Variants in NRG2 observed in about 807,000 individuals in gnomAD.
The protein encoded by NRG2 is pro-neuregulin-2, membrane-bound isoform.
Under a neutral mutation model 73.9 loss-of-function variants are expected in NRG2, and 27 were observed. That is an observed-to-expected ratio of 0.37 (90% CI 0.27 to 0.50). The LOEUF (loss-of-function observed/expected upper bound fraction) is 0.50. Among genes scored for constraint, NRG2 ranks in the 20% least tolerant of loss-of-function variants. The pLI, the probability that NRG2 is intolerant of heterozygous loss-of-function variation, is 0.96. For missense variants in NRG2, 1,126 were observed against 1,210.1 expected, an observed-to-expected ratio of 0.93 and a Z score of 1.03; for synonymous variants, 532 against 541.0, an observed-to-expected ratio of 0.98 and a Z score of 0.23.
At chr5:139,878,463 A>T (rs1325489401) in intron 3 of NRG2, among the ~76,000 whole-genome samples, 1 of 151,820 alleles carries the variant, frequency 6.6e-6, no homozygotes, top group African/African-American at 2.4e-5. Context: ...TTCCCACCCC[A>T]CTCCCCAAAC....
Position 139,887,406 on chromosome 5 carries a change from C to T in NRG2, c.806G>A (p.Arg269His), listed in dbSNP as rs756779407. ...GAGCTCCTTGCCATCCTTGAACCAA[C>T]GGTAGGAAGGCTGGGGATTACCGGC... ...AAAGNPQPSY[R>H]WFKDGKELNR... The change falls in exon 2 of 10, where the codon CGT becomes CAT. Residue 269 changes from arginine (R) to histidine (H), a missense_variant. Physicochemically the swap from Arg to His is conservative, Grantham distance 29. Around this residue, in one of 3 missense-constraint regions of NRG2, gnomAD observed 539 missense variants for 703.2 expected, o/e 0.77. Transcript: ENST00000361474. The surrounding 1 kb of genome is among the most constrained non-coding windows in gnomAD (Gnocchi z 4.5). 53 of 1,614,106 alleles carry T rather than the reference C, an allele frequency of 3.3e-5. 1 individual carries two copies. In the Middle Eastern group the frequency reaches 8.2e-4, roughly 25 times the overall value.
intron 1 of NRG2, among the ~76,000 whole-genome samples, chr5:140,031,056 T>C (rs189733977): frequency 3.3e-4 from 51 of 152,278 alleles, no homozygotes; most frequent in African/African-American, 1.2e-3. Context: ...CTGGATTTGG[T>C]CCCACCCTCA....
In NRG2 at chr5:139,915,693, C is replaced by G. The variant is rs1751197723; in HGVS notation, c.701-28182G>C. Reference sequence around the variant, plus strand: ...GTCATTCAATTTACAAGTAGCAGAACTGTATAGCTTAAAAGATTATGAAAG... The same window carrying G: ...GTCATTCAATTTACAAGTAGCAGAAGTGTATAGCTTAAAAGATTATGAAAG... On this transcript the variant is annotated intron_variant, in intron 1 of 9. Coordinates refer to ENST00000361474, the MANE Select transcript of NRG2 (RefSeq NM_004883.3). This position sits in a 1 kb window ranked among gnomAD's most constrained non-coding sequence, Gnocchi z 4.0. Among the ~76,000 whole-genome samples the G allele has an allele frequency of 6.6e-6, 1 of 152,144 alleles. No homozygotes were observed. The highest frequency in any genetic ancestry group is 1.5e-5 in the Non-Finnish European group (1 of 68,024).
intron 1 of NRG2, among the ~76,000 whole-genome samples, chr5:139,933,344 A>G (rs1329140211): frequency 2.0e-5 from 3 of 152,236 alleles, no homozygotes; most frequent in Non-Finnish European, 2.9e-5. Flanking sequence ...AGATACAAAT[A>G]GACTAGAAGT....
chr5:139,966,421 A>G (rs913539803), intron 1 of NRG2, among the ~76,000 whole-genome samples: 3 of 152,194 alleles, frequency 2.0e-5, no homozygotes, highest in Non-Finnish European at 2.9e-5. Flanking sequence ...AGGAAGGGAT[A>G]TTAAGAAACA....
In NRG2 at chr5:139,848,366, C is replaced by T. The variant is rs1761156602; in HGVS notation, c.2104G>A (p.Ala702Thr). 1.6e-6 allele frequency: 2 copies of T among 1,239,306 alleles called. No individual in the cohort carries two copies. The highest frequency in any genetic ancestry group is 1.6e-5 in the African/African-American group (1 of 63,174). 76.8% of individuals were successfully genotyped at this position (1,239,306 alleles called of 1,614,324 possible). Reference sequence around the variant, plus strand: ...TCCTCGGGGATGCGGAAGGGGCTGGCAGGCAGGCTGCCCAGGCTGCCGCCG... The same window carrying T: ...TCCTCGGGGATGCGGAAGGGGCTGGTAGGCAGGCTGCCCAGGCTGCCGCCG... ...ALGGSLGSLP[A>T]SPFRIPEDDE... Residue 702 changes from alanine (A) to threonine (T), a missense_variant, in exon 10 of 10, where the codon GCC becomes ACC. By Grantham distance (58) the Ala-to-Thr change is moderately conservative. This residue lies in a region of NRG2 where 402 missense variants were observed against 357.8 expected (regional missense o/e 1.12). Transcript: ENST00000361474.
chr5:139,891,794 C>T (rs1306484158), intron 1 of NRG2, among the ~76,000 whole-genome samples: 2 of 151,748 alleles, frequency 1.3e-5, no homozygotes, highest in African/African-American at 4.8e-5. Context: ...GCTGTGCAAG[C>T]CAGGATGAGA....
At chr5:139,986,672 T>C (rs1369099876) in intron 1 of NRG2, among the ~76,000 whole-genome samples, 1 of 152,184 alleles carries the variant, frequency 6.6e-6, no homozygotes, top group Non-Finnish European at 1.5e-5. Flanking sequence ...TTCTGTATGA[T>C]GGAAATGTTC....
chr5:139,848,815 G>A lies in NRG2; in HGVS notation c.1773-118C>T, dbSNP rs561421104. ...CCAGACTTGCCTTAACCTTGCCCGA[G>A]ACCCCGCCTGCAAGAATGACGGCAG... is the stretch of plus-strand genomic sequence containing the variant. On this transcript the variant is annotated intron_variant, in intron 9 of 9. Coordinates refer to ENST00000361474, the MANE Select transcript of NRG2 (RefSeq NM_004883.3). 4.0e-3 allele frequency: 3,637 copies of A among 905,030 alleles called. 15 individuals are homozygous for A. The highest frequency in any genetic ancestry group is 5.3e-3 in the Non-Finnish European group (3,370 of 640,378). 56.1% of individuals were successfully genotyped at this position (905,030 alleles called of 1,614,324 possible).
chr5:139,991,512 T>C (rs939432224), intron 1 of NRG2, among the ~76,000 whole-genome samples: 1 of 151,992 alleles, frequency 6.6e-6, no homozygotes, highest in African/African-American at 2.4e-5. Flanking sequence ...CAGGCTGGAG[T>C]GCAGTGGCAC....
At position 139,848,288 on chromosome 5, in the gene NRG2, G is replaced by A. The variant is rs1761146775; in HGVS notation, c.2182C>T (p.Arg728Cys). ...ECAPPPPPRP[R>C]ARGASRRTSA... ...GTCCTGCGGGACGCACCGCGCGCGC[G>A]CGGCCGCGGCGGCGGCGGGGGCGCG... is the stretch of plus-strand genomic sequence containing the variant. The change falls in exon 10 of 10, where the codon CGC becomes TGC. Residue 728 changes from arginine to cysteine, a missense_variant. Arg to Cys is a radical substitution (Grantham distance 180). Coordinates refer to ENST00000361474, the MANE Select transcript of NRG2 (RefSeq NM_004883.3). The A allele has an allele frequency of 4.4e-6, 5 of 1,128,518 alleles. No homozygotes were observed. In the South Asian group the frequency reaches 1.3e-4, roughly 29 times the overall value. 69.9% of individuals were successfully genotyped at this position (1,128,518 alleles called of 1,614,324 possible). A position where few individuals can be genotyped will look rare whatever the true frequency, so the allele number is the denominator to read the frequency against.
At chr5:139,896,256 G>A (rs1031363075) in intron 1 of NRG2, among the ~76,000 whole-genome samples, 1 of 152,190 alleles carries the variant, frequency 6.6e-6, no homozygotes, top group African/African-American at 2.4e-5. Flanking sequence ...GTGGAGAAAA[G>A]TGTTAAGTTC....
chr5:140,034,115 C>T (rs1470237548), intron 1 of NRG2, among the ~76,000 whole-genome samples: 1 of 152,124 alleles, frequency 6.6e-6, no homozygotes, highest in African/African-American at 2.4e-5. Flanking sequence ...TGTGGCACAC[C>T]ACACCCAGCT....
rs1561638682 is a variant in NRG2, at chr5:139,867,791, T to TGTATGA, written c.1113-2167_1113-2166insTCATAC. Among the ~76,000 whole-genome samples, 257 of 135,596 alleles carry TGTATGA rather than the reference T, an allele frequency of 1.9e-3. 2 individuals are homozygous for TGTATGA. The highest frequency in any genetic ancestry group is 3.6e-3 in the Middle Eastern group (1 of 274). The allele number at this position is 135,596 out of a possible 152,430, so 89.0% of individuals were successfully genotyped here. Reference sequence around the variant, plus strand: ...GTGTGTGTGTGTGTGTGTGTGTGTGTGTGTGTATGAGTGTGTGTGTGTGTG... The same window carrying TGTATGA: ...GTGTGTGTGTGTGTGTGTGTGTGTGTGTATGAGTGTGTATGAGTGTGTGTGTGTGTG... On this transcript the variant is annotated intron_variant, in intron 4 of 9. Coordinates refer to ENST00000361474, the MANE Select transcript of NRG2 (RefSeq NM_004883.3).
At chr5:140,035,198 A>G (rs1761420060) in intron 1 of NRG2, among the ~76,000 whole-genome samples, 2 of 152,198 alleles carry the variant, frequency 1.3e-5, no homozygotes, top group Non-Finnish European at 2.9e-5. Context: ...GCTGCATGAA[A>G]TAATCAATTG....
intron 1 of NRG2, among the ~76,000 whole-genome samples, chr5:140,029,315 A>G (rs907848841): frequency 3.3e-5 from 5 of 152,214 alleles, no homozygotes; most frequent in African/African-American, 1.2e-4. Flanking sequence ...ACCCATCCGA[A>G]TCAAAAGCCA....
At chr5:139,928,254 C>A (rs1016215619) in intron 1 of NRG2, among the ~76,000 whole-genome samples, 3 of 152,284 alleles carry the variant, frequency 2.0e-5, no homozygotes, top group Middle Eastern at 3.4e-3. Context: ...CCCATAAGAG[C>A]AATGAGCCCA....
At chr5:140,021,891 C>T (rs537984054) in intron 1 of NRG2, among the ~76,000 whole-genome samples, 3 of 152,318 alleles carry the variant, frequency 2.0e-5, no homozygotes, top group East Asian at 1.9e-4. Context: ...CCCCAGCCCT[C>T]GGTTCTTTCC....
intron 1 of NRG2, among the ~76,000 whole-genome samples, chr5:139,899,246 G>T (rs1403995812): frequency 1.3e-5 from 2 of 152,140 alleles, no homozygotes; most frequent in African/African-American, 2.4e-5. Context: ...TCTTAAACAT[G>T]AGCATGCATC....
Sources: gnomAD v4.1 joint callset for allele counts (sites outside exome capture counted in the v4.1 genomes callset) on GRCh38, gnomAD v4.1.1 for gene constraint, gnomAD v4.1.1 regional missense constraint, Gnocchi (gnomAD v3.1) non-coding constraint, MANE v1.5 for transcripts, NCBI Gene and HGNC (gene_info 2026-07-23, HGNC 2026-07-21) for gene names.